The following ADARB2 variants were observed in gnomAD, a reference collection of about 807,000 sequenced individuals.
ADARB2 encodes the protein adenosine deaminase RNA specific B2 (inactive), also known as inactive double-stranded RNA-specific editase B2.
ADARB2 carries 25 observed loss-of-function variants against 62.2 expected under a neutral mutation model. That is an observed-to-expected ratio of 0.40 (90% CI 0.29 to 0.56). The LOEUF (loss-of-function observed/expected upper bound fraction) is 0.56. ADARB2 is among the 20% of genes least tolerant of loss of function. ADARB2 has a pLI of 0.43. For missense variants in ADARB2, 1,071 were observed against 1,077.4 expected (o/e 0.99, Z 0.08); for synonymous variants, 572 against 500.8 (o/e 1.14, Z -1.90).
At chr10:1,608,792 G>GAAAGAAAGAAAGAAAGAAAGAA (rs1222749824) in intron 1 of ADARB2, among the ~76,000 whole-genome samples, 1 of 147,506 alleles carries the variant, frequency 6.8e-6, no homozygotes, top group African/African-American at 2.5e-5. Context: ...AAGAAAGAAA[G>GAAAGAAAGAAAGAAAGAAAGAA]AAAGAAAAGC....
At chr10:1,283,028 G>A (rs913888558) in intron 3 of ADARB2, among the ~76,000 whole-genome samples, 3 of 152,124 alleles carry the variant, frequency 2.0e-5, no homozygotes, top group Admixed American at 6.5e-5. Context: ...TACTAGTTCC[G>A]TCCACTTGAA....
intron 1 of ADARB2, among the ~76,000 whole-genome samples, chr10:1,637,916 T>C (rs1489001700): frequency 5.9e-5 from 9 of 152,186 alleles, no homozygotes; most frequent in Non-Finnish European, 1.5e-5. Flanking sequence ...GAAAAGTTCT[T>C]TGTCTGGCAT....
In ADARB2 at chr10:1,498,821, T is replaced by C. The variant is rs369444298; in HGVS notation, c.101-119661A>G. Among the ~76,000 whole-genome samples, 6 of 152,318 alleles carry C rather than the reference T, an allele frequency of 3.9e-5. No homozygotes were observed. The South Asian group carries it at 6.2e-4, about 16-fold the overall frequency. ...CACTTACTCATCATTCATTCATTAT[T>C]CACTCATCACTCACTCATTATTCAC... On this transcript the variant is annotated intron_variant, in intron 1 of 9. Transcript: ENST00000381312.
intron 4 of ADARB2, among the ~76,000 whole-genome samples, chr10:1,245,459 G>T (rs1378777971): frequency 1.3e-5 from 2 of 151,762 alleles, no homozygotes; most frequent in Non-Finnish European, 2.9e-5. Flanking sequence ...TTAACATTAG[G>T]TATATCTCCT....
intron 3 of ADARB2, chr10:1,290,858 A>G (rs1643907692): frequency 6.6e-6 from 1 of 152,250 alleles, no homozygotes; most frequent in Non-Finnish European, 1.5e-5. Context: ...CACATTGGGA[A>G]GATGCATATT....
chr10:1,369,798 C>A (rs1832351474), intron 2 of ADARB2, among the ~76,000 whole-genome samples: 1 of 152,212 alleles, frequency 6.6e-6, no homozygotes, highest in African/African-American at 2.4e-5. Context: ...AGAGCAGGCA[C>A]ACTGAGCTTT....
chr10:1,561,954 A>C (rs1490595839), intron 1 of ADARB2, among the ~76,000 whole-genome samples: 2 of 152,222 alleles, frequency 1.3e-5, no homozygotes, highest in Admixed American at 6.5e-5. Context: ...TATGCAAATC[A>C]GATCCTGCTA....
intron 1 of ADARB2, among the ~76,000 whole-genome samples, chr10:1,638,509 T>TC (rs1171103716): frequency 6.6e-6 from 1 of 152,014 alleles, no homozygotes; most frequent in Non-Finnish European, 1.5e-5. Flanking sequence ...TCATGAGGTT[T>TC]TTTTTTTTGG....
At chr10:1,287,401 CT>C (rs1456754074) in intron 3 of ADARB2, among the ~76,000 whole-genome samples, 1 of 152,124 alleles carries the variant, frequency 6.6e-6, no homozygotes. Flanking sequence ...ATTTAGAGTC[CT>C]TTCTTTTGGC....
At chr10:1,224,839 T>C (rs1280607102) in intron 6 of ADARB2, among the ~76,000 whole-genome samples, 4 of 152,196 alleles carry the variant, frequency 2.6e-5, no homozygotes, top group East Asian at 1.9e-4. Flanking sequence ...CTTCCAATTA[T>C]GTGGTCAGTT....
chr10:1,609,502 C>T (rs1358304752), intron 1 of ADARB2, among the ~76,000 whole-genome samples: 1 of 152,268 alleles, frequency 6.6e-6, no homozygotes, highest in Non-Finnish European at 1.5e-5. Flanking sequence ...ATCTGCTCTC[C>T]TGCATGCATC....
At chr10:1,652,343 G>A (rs1187172085) in intron 1 of ADARB2, among the ~76,000 whole-genome samples, 4 of 152,174 alleles carry the variant, frequency 2.6e-5, no homozygotes, top group Non-Finnish European at 5.9e-5. Context: ...GACTGCCAAG[G>A]CCCCTACTGG....
intron 1 of ADARB2, among the ~76,000 whole-genome samples, chr10:1,503,252 G>C (rs1444136219): frequency 1.3e-5 from 2 of 152,048 alleles, no homozygotes; most frequent in African/African-American, 4.8e-5. Context: ...CCAGGCTGGA[G>C]TGCAGCTCAT....
chr10:1,271,568 C>T (rs1831262741), intron 3 of ADARB2, among the ~76,000 whole-genome samples: 1 of 152,236 alleles, frequency 6.6e-6, no homozygotes, highest in Admixed American at 6.5e-5. Flanking sequence ...CACAGATGCA[C>T]ACATTCACAT....
At chr10:1,507,545 C>T (rs1210535888) in intron 1 of ADARB2, among the ~76,000 whole-genome samples, 2 of 152,196 alleles carry the variant, frequency 1.3e-5, no homozygotes, top group East Asian at 1.9e-4. Flanking sequence ...TAGAGGGAAA[C>T]GTGAGCTCCG....
chr10:1,704,438 G>A lies in ADARB2; in HGVS notation c.100+32613C>T, dbSNP rs79522244. On this transcript the variant is annotated intron_variant, in intron 1 of 9. Coordinates refer to ENST00000381312, the MANE Select transcript of ADARB2 (RefSeq NM_018702.4). This position sits in a 1 kb window ranked among gnomAD's most constrained non-coding sequence, Gnocchi z 5.6. ...AGTCTGCAACCTGGATCCCTTACAAGCACAGTTAGCAATAGGATCCCCACT... is the reference window on the plus strand; with the variant it reads ...AGTCTGCAACCTGGATCCCTTACAAACACAGTTAGCAATAGGATCCCCACT... Among the ~76,000 whole-genome samples the A allele has an allele frequency of 0.014, 2,124 of 152,274 alleles. 49 individuals are homozygous for A. The highest frequency in any genetic ancestry group is 0.048 in the African/African-American group (2,008 of 41,542).
chr10:1,199,856 G>A, intron 8 of ADARB2, 110 bp downstream of exon 8: 1 of 1,182,120 alleles, frequency 8.5e-7, no homozygotes, highest in Non-Finnish European at 1.1e-6. Flanking sequence ...ATCCTAAATT[G>A]CCACTAGCCA....
chr10:1,731,135 G>T (rs1189957733), intron 1 of ADARB2, among the ~76,000 whole-genome samples: 1 of 152,172 alleles, frequency 6.6e-6, no homozygotes, highest in Non-Finnish European at 1.5e-5. Context: ...TGGATCTCTT[G>T]AAAAGCAAAC....
At chr10:1,597,721 C>T (rs1188975414) in intron 1 of ADARB2, among the ~76,000 whole-genome samples, 1 of 152,114 alleles carries the variant, frequency 6.6e-6, no homozygotes, top group Non-Finnish European at 1.5e-5. Flanking sequence ...GGAGATTTTG[C>T]AAAGAACTAA....
Sources: gnomAD v4.1 joint callset for allele counts (sites outside exome capture counted in the v4.1 genomes callset) on GRCh38, gnomAD v4.1.1 for gene constraint, Gnocchi (gnomAD v3.1) non-coding constraint, MANE v1.5 for transcripts, NCBI Gene and HGNC (gene_info 2026-07-23, HGNC 2026-07-21) for gene names.